Variants in C10orf90 observed in about 807,000 individuals in gnomAD.
The protein encoded by C10orf90 is (E2-independent) E3 ubiquitin-conjugating enzyme FATS.
Under a neutral mutation model 62.5 loss-of-function variants are expected in C10orf90, and 56 were observed. The ratio of observed to expected loss-of-function variants is 0.90; its 90% CI spans 0.72 to 1.12. The LOEUF is 1.12. Ranked by LOEUF, C10orf90 falls within the 50% of genes most tolerant of loss-of-function variation. C10orf90 has a pLI of 0.00. For missense variants in C10orf90, 970 were observed against 880.4 expected (o/e 1.10, Z -1.29); for synonymous variants, 386 against 340.4 (o/e 1.13, Z -1.47).
At chr10:126,457,358 G>C (rs1477660963) in intron 7 of C10orf90, among the ~76,000 whole-genome samples, 1 of 152,188 alleles carries the variant, frequency 6.6e-6, no homozygotes, top group Non-Finnish European at 1.5e-5. Context: ...AGTACAGATG[G>C]CCAAGGCCAC....
In C10orf90 at chr10:126,504,673, G is replaced by C. The variant is rs767474090; in HGVS notation, c.818C>G (p.Ala273Gly). The C allele has an allele frequency of 6.2e-7, 1 of 1,613,924 alleles. No individual in the cohort carries two copies. Among genetic ancestry groups the C allele is most frequent in the Non-Finnish European group, 8.5e-7 (1 of 1,179,996 alleles). ...KCRAEDTLFQAPPALANGAHP... is the reference protein window; with the variant it reads ...KCRAEDTLFQGPPALANGAHP... ...GGCGCCATTGGCCAGAGCCGGGGGCGCCTGGAACAGTGTGTCCTCAGCCCT... is the reference window on the plus strand; with the variant it reads ...GGCGCCATTGGCCAGAGCCGGGGGCCCCTGGAACAGTGTGTCCTCAGCCCT... Residue 273 changes from alanine to glycine, a missense_variant, in exon 4 of 10, where the codon GCG (alanine) becomes GGG (glycine). Ala to Gly is a moderately conservative substitution (Grantham distance 60). Coordinates refer to ENST00000488181, the MANE Select transcript of C10orf90 (RefSeq NM_001350921.2). The surrounding 1 kb of genome is among the most constrained non-coding windows in gnomAD (Gnocchi z 4.1).
intron 4 of C10orf90, among the ~76,000 whole-genome samples, chr10:126,471,508 T>TG (rs1860583676): frequency 6.6e-6 from 1 of 152,146 alleles, no homozygotes; most frequent in African/African-American, 2.4e-5. Context: ...TCTGGGAGCT[T>TG]GGGCAGATGG....
intron 1 of C10orf90, among the ~76,000 whole-genome samples, chr10:126,663,276 C>T (rs1002115287): frequency 6.6e-6 from 1 of 152,146 alleles, no homozygotes; most frequent in African/African-American, 2.4e-5. Context: ...GTGTAGTTGA[C>T]TTTCTCTGTA....
At chr10:126,501,080 G>A (rs538353666) in intron 4 of C10orf90, among the ~76,000 whole-genome samples, 30 of 152,348 alleles carry the variant, frequency 2.0e-4, no homozygotes, top group African/African-American at 7.2e-4. Context: ...AGGCTGTCAA[G>A]AATGTCTCAG....
chr10:126,576,749 CATATAGATAAT>C (rs1844632239), intron 2 of C10orf90, among the ~76,000 whole-genome samples: 1 of 72,508 alleles, frequency 1.4e-5, no homozygotes, highest in Non-Finnish European at 2.6e-5. Context: ...TGTATATATA[CATATAGATAAT>C]ATGTATATGT....
chr10:126,466,295 C>T (rs1860281689), intron 4 of C10orf90, among the ~76,000 whole-genome samples: 2 of 151,886 alleles, frequency 1.3e-5, no homozygotes, highest in African/African-American at 2.4e-5. Flanking sequence ...GGGTGGATCA[C>T]GAGGTCAGGA....
At chr10:126,582,600 C>T (rs139824205) in intron 2 of C10orf90, among the ~76,000 whole-genome samples, 1 of 152,192 alleles carries the variant, frequency 6.6e-6, no homozygotes, top group African/African-American at 2.4e-5. Flanking sequence ...CAAAGATCCT[C>T]GATTTGTGTG....
chr10:126,571,548 T>C (rs1844506467), intron 2 of C10orf90, among the ~76,000 whole-genome samples: 1 of 152,176 alleles, frequency 6.6e-6, no homozygotes, highest in Admixed American at 6.5e-5. Flanking sequence ...ACATGAATAA[T>C]GAATATACTC....
chr10:126,589,036 A>C (rs575161824), intron 2 of C10orf90, among the ~76,000 whole-genome samples: 1 of 152,364 alleles, frequency 6.6e-6, no homozygotes, highest in South Asian at 2.1e-4. Flanking sequence ...GCTGAAAAAC[A>C]CAACACAAGA....
intron 2 of C10orf90, among the ~76,000 whole-genome samples, chr10:126,644,717 C>T (rs995549054): frequency 1.6e-4 from 25 of 152,176 alleles, no homozygotes; most frequent in Non-Finnish European, 2.8e-4. Flanking sequence ...GTGGAAGTGC[C>T]CGGTCCTAAG....
chr10:126,499,045 A>G (rs1862237348), intron 4 of C10orf90, among the ~76,000 whole-genome samples: 1 of 152,272 alleles, frequency 6.6e-6, no homozygotes, highest in Non-Finnish European at 1.5e-5. Context: ...ATGCTAGACC[A>G]GAAGTCAGTA....
chr10:126,591,010 T>C (rs1034921139), intron 2 of C10orf90, among the ~76,000 whole-genome samples: 18 of 152,104 alleles, frequency 1.2e-4, no homozygotes, highest in African/African-American at 3.9e-4. Context: ...ACTGAATACC[T>C]GAATAGACCA....
chr10:126,484,550 G>A (rs1861329415), intron 4 of C10orf90, among the ~76,000 whole-genome samples: 1 of 152,192 alleles, frequency 6.6e-6, no homozygotes, highest in African/African-American at 2.4e-5. Context: ...TTAGTAAAGT[G>A]TAGAGATATA....
intron 4 of C10orf90, among the ~76,000 whole-genome samples, chr10:126,466,528 C>A (rs1590956396): frequency 6.6e-6 from 1 of 152,178 alleles, no homozygotes; most frequent in South Asian, 2.1e-4. Flanking sequence ...GTGCCCCCTG[C>A]TCCAGCCAGT....
intron 7 of C10orf90, among the ~76,000 whole-genome samples, chr10:126,445,082 A>G (rs1858667765): frequency 2.0e-5 from 3 of 152,146 alleles, no homozygotes; most frequent in African/African-American, 7.2e-5. Context: ...ATAACACTGG[A>G]AAAACCCTTC....
At chr10:126,428,982 T>G (rs1042324491) in intron 8 of C10orf90, among the ~76,000 whole-genome samples, 6 of 152,108 alleles carry the variant, frequency 3.9e-5, no homozygotes, top group Non-Finnish European at 8.8e-5. Context: ...AAAGCAGAAA[T>G]TGTATGCCTG....
intron 4 of C10orf90, among the ~76,000 whole-genome samples, chr10:126,478,099 C>A (rs545900328): frequency 5.3e-5 from 8 of 152,160 alleles, no homozygotes; most frequent in African/African-American, 1.7e-4. Context: ...CTTGGAATAA[C>A]CTGGGATCCT....
intron 1 of C10orf90, among the ~76,000 whole-genome samples, chr10:126,648,783 T>G (rs4564243): frequency 0.096 from 14,630 of 151,792 alleles, 716 homozygotes; most frequent in South Asian, 0.15. Flanking sequence ...ATTTTAAGCT[T>G]CTTCTCTCCT....
At chr10:126,519,295 G>A (rs1863614878) in intron 2 of C10orf90, among the ~76,000 whole-genome samples, 1 of 152,206 alleles carries the variant, frequency 6.6e-6, no homozygotes, top group Non-Finnish European at 1.5e-5. Flanking sequence ...AGAATATTGG[G>A]TGAAGCATAG....
Sources: allele counts gnomAD v4.1 joint callset (sites outside exome capture counted in the v4.1 genomes callset), GRCh38; gene constraint gnomAD v4.1.1; non-coding constraint Gnocchi (gnomAD v3.1); transcripts MANE v1.5; gene names NCBI Gene and HGNC (gene_info 2026-07-23, HGNC 2026-07-21).